The following RPS19 variants were observed in gnomAD, a reference collection of about 807,000 sequenced individuals.
RPS19 encodes the protein ribosomal protein S19, also known as small ribosomal subunit protein eS19.
RPS19 carries 1 observed loss-of-function variant against 20.3 expected under a neutral mutation model. That is an observed-to-expected ratio of 0.05 (90% CI 0.02 to 0.23). RPS19 has a LOEUF of 0.23. Among genes scored for constraint, RPS19 ranks in the 10% least tolerant of loss-of-function variants. RPS19 has a pLI of 1.00. For missense variants in RPS19, 111 were observed against 192.7 expected (o/e 0.58, Z 2.51); for synonymous variants, 87 against 74.8 (o/e 1.16, Z -0.84).
chr19:41,871,707 T>C lies in RPS19; in HGVS notation c.*330T>C, dbSNP rs1384112501. On this transcript the variant is annotated 3_prime_UTR_variant, in exon 6 of 6. Transcript: ENST00000598742. ...CGGCAGCCAGTCGGGCCTTCCCAGG[T>C]CAAACAGTTCCCATCTGGGTTTGGA... 3 of 364,968 alleles carry C rather than the reference T, an allele frequency of 8.2e-6. No individual in the cohort carries two copies. The highest frequency in any genetic ancestry group is 2.1e-5 in the African/African-American group (1 of 47,746). The allele number at this position is 364,968 out of a possible 1,614,324, so 22.6% of individuals were successfully genotyped here. A position where few individuals can be genotyped will look rare whatever the true frequency, so the allele number is the denominator to read the frequency against.
Position 41,860,831 on chromosome 19 carries a change from A to C in RPS19, c.57A>C (p.Ala19=). 1 of 1,613,738 alleles carries C rather than the reference A, an allele frequency of 6.2e-7. No individual in the cohort carries two copies. The highest frequency in any genetic ancestry group is 1.7e-5 in the Admixed American group (1 of 60,022). ...VNQQEFVRAL[A]AFLKKSGKLK... The stretch of plus-strand genomic sequence containing the variant: ...AGCAGGAGTTCGTCAGAGCTCTGGC[A>C]GCCTTCCTCAAAAAGTGAGTTTGGG... Residue 19 remains alanine (A), a synonymous_variant, in exon 2 of 6, where the codon GCA becomes GCC. Transcript: ENST00000598742.
At chr19:41,862,353 T>C (rs955764580) in intron 3 of RPS19, among the ~76,000 whole-genome samples, 2 of 152,208 alleles carry the variant, frequency 1.3e-5, no homozygotes, top group Non-Finnish European at 2.9e-5. Context: ...ATGAACTTGC[T>C]GAGGTGGGTC....
intron 3 of RPS19, among the ~76,000 whole-genome samples, chr19:41,868,116 T>A (rs2074108586): frequency 6.6e-6 from 1 of 152,184 alleles, no homozygotes; most frequent in African/African-American, 2.4e-5. Flanking sequence ...TAGAGCAGAC[T>A]CAGACCAACT....
rs1324781034 is a variant in RPS19, at chr19:41,872,550, A to T, written c.*1173A>T. ...GCCGTGGAGAGCCTTGGCTCTGAGT[A>T]GCTCTGCTGCTGGACAGTTCAGTTG... On this transcript the variant is annotated 3_prime_UTR_variant, in exon 6 of 6. Transcript: ENST00000598742. 1.3e-5 allele frequency: 2 copies of T among 152,322 alleles called. No homozygotes were observed. Among genetic ancestry groups the T allele is most frequent in the Non-Finnish European group, 2.9e-5 (2 of 68,104 alleles). The allele number at this position is 152,322 out of a possible 1,614,324, so 9.4% of individuals were successfully genotyped here. A position where few individuals can be genotyped will look rare whatever the true frequency, so the allele number is the denominator to read the frequency against.
At chr19:41,862,601 A>G in intron 3 of RPS19, among the ~76,000 whole-genome samples, 1 of 151,724 alleles carries the variant, frequency 6.6e-6, no homozygotes, top group Non-Finnish European at 1.5e-5. Context: ...CACATACCAA[A>G]TACCTCCAAA....
chr19:41,869,476 G>A (rs781915477), intron 4 of RPS19, among the ~76,000 whole-genome samples: 18 of 152,056 alleles, frequency 1.2e-4, no homozygotes, highest in Admixed American at 2.6e-4. Context: ...TTGATTTTTC[G>A]GGGCTTTTGA....
In RPS19 at chr19:41,869,021, C is replaced by T; in HGVS notation, c.173-10C>T. 6.2e-7 allele frequency: 1 copy of T among 1,613,458 alleles called. No individual in the cohort carries two copies. The highest frequency in any genetic ancestry group is 1.1e-5 in the South Asian group (1 of 91,072). ...AAGACCCTTAAATCTCCCTCTCACA[C>T]TACCCCCAGCTTCCACAGCGCGGCA... On this transcript the variant is annotated splice_polypyrimidine_tract_variant and intron_variant, in intron 3 of 5. Transcript: ENST00000598742.
At chr19:41,870,849 CTTTTTTTTTTTTTTTT>C (rs35987051) in intron 5 of RPS19, among the ~76,000 whole-genome samples, 2 of 43,964 alleles carry the variant, frequency 4.5e-5, no homozygotes. Flanking sequence ...CACTCCCTTC[CTTTTTTTTTTTTTTTT>C]TTTTTTTTTT....
At position 41,861,999 on chromosome 19, in the gene RPS19, G is replaced by A. The variant is rs542027120; in HGVS notation, c.172+787G>A. 2.7e-4 allele frequency among the ~76,000 whole-genome samples: 41 copies of A among 151,756 alleles called. No individual in the cohort carries two copies. The South Asian group carries it at 8.2e-3, about 30-fold the overall frequency. On this transcript the variant is annotated intron_variant, in intron 3 of 5. Transcript: ENST00000598742. ...TAACAGGGTGGGCGGTGGCAGTGCCGTGTTATGTCAAGGTGACAGCCTTAG... is the reference window on the plus strand; with the variant it reads ...TAACAGGGTGGGCGGTGGCAGTGCCATGTTATGTCAAGGTGACAGCCTTAG...
At position 41,871,385 on chromosome 19, in the gene RPS19, C is replaced by CA; in HGVS notation, c.*9dup. On this transcript the variant is annotated 3_prime_UTR_variant, in exon 6 of 6. Coordinates refer to ENST00000598742, the MANE Select transcript of RPS19 (RefSeq NM_001022.4). ...GCCAACAAGAAGCATTAGAACAAAC[C>CA]ATGCTGGGTTAATAAATTGCCTCAT... 1.2e-6 allele frequency: 2 copies of CA among 1,613,010 alleles called. No homozygotes were observed. Among genetic ancestry groups the CA allele is most frequent in the Non-Finnish European group, 1.7e-6 (2 of 1,179,080 alleles).
chr19:41,864,103 A>G (rs2074060801), intron 3 of RPS19: 1 of 152,202 alleles, frequency 6.6e-6, no homozygotes, highest in African/African-American at 2.4e-5. Context: ...GGCCTCCCAA[A>G]GTGCTGGGAT....
intron 3 of RPS19, among the ~76,000 whole-genome samples, chr19:41,866,906 A>C (rs2074096202): frequency 6.6e-6 from 1 of 152,046 alleles, no homozygotes; most frequent in African/African-American, 2.4e-5. Context: ...AGTCCCAGCT[A>C]CTCTGGAGGC....
At chr19:41,861,248 GCTGGGTGACCC>G (rs1555839214) in intron 3 of RPS19, 36 bp downstream of exon 3, 1 of 1,487,548 alleles carries the variant, frequency 6.7e-7, no homozygotes, top group East Asian at 2.3e-5. Context: ...AGAGTGGGGA[GCTGGGTGACCC>G]CTGGCACAAA....
chr19:41,866,601 C>G (rs2074092774), intron 3 of RPS19, among the ~76,000 whole-genome samples: 1 of 152,182 alleles, frequency 6.6e-6, no homozygotes, highest in Admixed American at 6.5e-5. Flanking sequence ...GAGCCAACAG[C>G]AGGGCTGTGC....
Position 41,865,031 on chromosome 19 carries a change from C to T in RPS19, c.172+3819C>T, listed in dbSNP as rs549415800. 2.6e-5 allele frequency: 4 copies of T among 152,250 alleles called. No homozygotes were observed. The East Asian group carries it at 7.7e-4, about 29-fold the overall frequency. The allele number at this position is 152,250 out of a possible 1,614,324, so 9.4% of individuals were successfully genotyped here. ...ATGAACTGGGATAGCAAGGGAGGAG[C>T]TTGTAATATCTGACCAAGGTTCTCC... is the stretch of plus-strand genomic sequence containing the variant. On this transcript the variant is annotated intron_variant, in intron 3 of 5. Transcript: ENST00000598742.
rs1345746987 is a variant in RPS19 at position 41,872,468 on chromosome 19, C to G, written c.*1091C>G. The G allele has an allele frequency of 6.6e-6, 1 of 152,312 alleles. No homozygotes were observed. Among genetic ancestry groups the G allele is most frequent in the East Asian group, 1.9e-4 (1 of 5,206 alleles). The allele number at this position is 152,312 out of a possible 1,614,324, so 9.4% of individuals were successfully genotyped here. On this transcript the variant is annotated 3_prime_UTR_variant, in exon 6 of 6. Transcript: ENST00000598742. ...CACGTAACCCTGTGCACCTTATCCT[C>G]TGAGCCTTCGTCTCCTCGTGTGTAA...
chr19:41,860,964 TTTCAGCGTGAGGCCTGGCTTGTG>T, intron 2 of RPS19, 119 bp downstream of exon 2: 1 of 1,140,024 alleles, frequency 8.8e-7, no homozygotes, highest in Non-Finnish European at 1.3e-6. Context: ...CCGTGGCTCC[TTTCAGCGTGAGGCCTGGCTTGTG>T]TTCCGGTTCC....
At chr19:41,868,891 G>A (rs2074115760) in intron 3 of RPS19, 140 bp from the exon 4 acceptor site, 2 of 866,228 alleles carry the variant, frequency 2.3e-6, no homozygotes, top group African/African-American at 3.3e-5. Flanking sequence ...AGGAGAGGGG[G>A]CTGTCAGTTT....
At chr19:41,862,071 C>T (rs2074037954) in intron 3 of RPS19, among the ~76,000 whole-genome samples, 2 of 152,276 alleles carry the variant, frequency 1.3e-5, no homozygotes, top group East Asian at 3.9e-4. Flanking sequence ...CTTAAACCTT[C>T]TCTCTCTGTG....
Sources: allele counts gnomAD v4.1 joint callset (sites outside exome capture counted in the v4.1 genomes callset), GRCh38; gene constraint gnomAD v4.1.1; transcripts MANE v1.5; gene names NCBI Gene and HGNC (gene_info 2026-07-23, HGNC 2026-07-21).